Variants in EDARADD observed in about 807,000 individuals in gnomAD.
The protein encoded by EDARADD is EDAR associated via death domain, also known as ectodysplasin-A receptor-associated adapter protein.
A neutral mutation model predicts 25.6 loss-of-function variants in EDARADD; 20 were observed. That is an observed-to-expected ratio of 0.78 (90% CI 0.55 to 1.14). EDARADD has a LOEUF of 1.14. EDARADD is among the 50% of genes most tolerant of loss of function. EDARADD has a pLI of 0.00. For missense variants in EDARADD, 225 were observed against 270.1 expected, an observed-to-expected ratio of 0.83 and a Z score of 1.17; for synonymous variants, 86 against 94.4, an observed-to-expected ratio of 0.91 and a Z score of 0.52.
chr1:236,479,077 G>A (rs1659593141), intron 5 of EDARADD, among the ~76,000 whole-genome samples: 2 of 152,090 alleles, frequency 1.3e-5, no homozygotes, highest in African/African-American at 4.8e-5. Context: ...ATACTGCTCG[G>A]GTGATGGGTG....
intron 2 of EDARADD, among the ~76,000 whole-genome samples, chr1:236,349,265 G>T (rs1332152970): frequency 7.5e-6 from 1 of 133,218 alleles, no homozygotes; most frequent in African/African-American, 3.0e-5. Context: ...CCATCTCCCG[G>T]GTTCAAAGCG....
At chr1:236,428,938 C>T (rs74794888) in intron 4 of EDARADD, among the ~76,000 whole-genome samples, 67,818 of 151,440 alleles carry the variant, frequency 0.45, 17,474 homozygotes, top group Non-Finnish European at 0.59. Flanking sequence ...GCTGGAGACA[C>T]GCCCGGCCAA....
chr1:236,460,271 A>G (rs1426535672), intron 4 of EDARADD, among the ~76,000 whole-genome samples: 2 of 150,618 alleles, frequency 1.3e-5, no homozygotes, highest in Admixed American at 6.6e-5. Context: ...TACAGCCTCA[A>G]TCTCCTGGGC....
chr1:236,478,270 G>A (rs1348612799), intron 5 of EDARADD, among the ~76,000 whole-genome samples: 1 of 151,920 alleles, frequency 6.6e-6, no homozygotes, highest in Non-Finnish European at 1.5e-5. Context: ...CCCAATTTAT[G>A]TGAAAGGTAT....
At chr1:236,462,165 A>G (rs1425069073) in intron 4 of EDARADD, among the ~76,000 whole-genome samples, 1 of 152,166 alleles carries the variant, frequency 6.6e-6, no homozygotes, top group East Asian at 1.9e-4. Context: ...GGTTAAAGCA[A>G]AGGGGACTTC....
chr1:236,484,097 A>G lies in EDARADD; in HGVS notation c.*1448A>G. 1 of 1,575,084 alleles carries G rather than the reference A, an allele frequency of 6.3e-7. No homozygotes were observed. Among genetic ancestry groups the G allele is most frequent in the Non-Finnish European group, 8.7e-7 (1 of 1,145,800 alleles). On this transcript the variant is annotated 3_prime_UTR_variant, in exon 6 of 6. Coordinates refer to ENST00000334232, the MANE Select transcript of EDARADD (RefSeq NM_145861.4). The surrounding 1 kb of genome is among the most constrained non-coding windows in gnomAD (Gnocchi z 4.1). ...CTTGGCAGAAGTTCACGGCCAGTGC[A>G]GGAATCCAGGTAGTGGAGGATGATC...
chr1:236,439,401 G>C (rs1209784079), intron 4 of EDARADD, among the ~76,000 whole-genome samples: 2 of 152,202 alleles, frequency 1.3e-5, no homozygotes, highest in African/African-American at 2.4e-5. Context: ...GCAAGAGGCT[G>C]TTTAGGTTTC....
intron 1 of EDARADD, among the ~76,000 whole-genome samples, chr1:236,400,292 A>C (rs1395362546): frequency 6.6e-6 from 1 of 151,232 alleles, no homozygotes; most frequent in East Asian, 1.9e-4. Flanking sequence ...CTTCTGTTTG[A>C]TCCCCCGTCA....
intron 3 of EDARADD, among the ~76,000 whole-genome samples, chr1:236,377,233 G>A (rs1667234614): frequency 6.6e-6 from 1 of 150,964 alleles, no homozygotes. Context: ...TCGGTTCACT[G>A]CAACCTCCAC....
chr1:236,415,231 G>A lies in EDARADD; in HGVS notation c.160+932G>A, dbSNP rs556521597. 4.6e-5 allele frequency among the ~76,000 whole-genome samples: 7 copies of A among 152,282 alleles called. No individual in the cohort carries two copies. In the South Asian group the frequency reaches 1.4e-3, roughly 32 times the overall value. ...GTCTGAGCCTTGAGATCGGGTCGGG[G>A]AGGAGGGTCATGGAGTGGATTTTGC... On this transcript the variant is annotated intron_variant, in intron 3 of 5. Transcript: ENST00000334232.
chr1:236,484,283 T>A lies in EDARADD; in HGVS notation c.*1634T>A. 9.8e-7 allele frequency: 1 copy of A among 1,023,290 alleles called. No individual in the cohort carries two copies. The highest frequency in any genetic ancestry group is 1.7e-5 in the Admixed American group (1 of 58,868). 63.4% of individuals were successfully genotyped at this position (1,023,290 alleles called of 1,614,324 possible). ...GGTGTGTCATGGTGCCTCATCATTC[T>A]GGGGAGACTGAAAATACCTTCATCA... On this transcript the variant is annotated 3_prime_UTR_variant, in exon 6 of 6. Transcript: ENST00000334232. This position sits in a 1 kb window ranked among gnomAD's most constrained non-coding sequence, Gnocchi z 4.1.
chr1:236,455,165 G>T (rs1221850595), intron 4 of EDARADD, among the ~76,000 whole-genome samples: 3 of 151,818 alleles, frequency 2.0e-5, no homozygotes, highest in Admixed American at 6.6e-5. Flanking sequence ...AGCCGAGATT[G>T]TGCCACTGTA....
chr1:236,464,064 G>A (rs1659113903), intron 4 of EDARADD, among the ~76,000 whole-genome samples: 1 of 152,108 alleles, frequency 6.6e-6, no homozygotes, highest in South Asian at 2.1e-4. Flanking sequence ...GAAAGGGCTG[G>A]GGAGGGTGGC....
rs563523772 is a variant in EDARADD, at chr1:236,353,468, T to C, written c.-6+2629T>C. On this transcript the variant is annotated intron_variant, in intron 3 of 7. Coordinates refer to the EDARADD transcript ENST00000439430. ...AGGCCAGGGCAGGTGGATGACGAGG[T>C]CAGGAGTTCAAGACCAGCCTGGCCA... Among the ~76,000 whole-genome samples the C allele has an allele frequency of 3.3e-4, 50 of 152,074 alleles. 1 individual carries two copies. The highest frequency in any genetic ancestry group is 3.0e-3 in the Admixed American group (46 of 15,270).
chr1:236,440,985 A>C (rs1173717908), intron 4 of EDARADD, among the ~76,000 whole-genome samples: 1 of 151,852 alleles, frequency 6.6e-6, no homozygotes, highest in Non-Finnish European at 1.5e-5. Context: ...AGCTAGAAAT[A>C]ATTAAGTTTA....
At chr1:236,460,785 A>C (rs17582817) in intron 4 of EDARADD, among the ~76,000 whole-genome samples, 20 of 151,736 alleles carry the variant, frequency 1.3e-4, no homozygotes, top group African/African-American at 4.6e-4. Context: ...TTGATTGACT[A>C]TCACTGACTG....
chr1:236,479,999 CTG>C (rs1330439372), intron 5 of EDARADD, among the ~76,000 whole-genome samples: 1 of 151,018 alleles, frequency 6.6e-6, no homozygotes, highest in East Asian at 1.9e-4. Flanking sequence ...TGAGCTATGA[CTG>C]TGCCACCGCA....
chr1:236,395,777 A>G lies in EDARADD; in HGVS notation c.61+1272A>G. On this transcript the variant is annotated intron_variant, in intron 1 of 5. Transcript: ENST00000334232. This position sits in a 1 kb window ranked among gnomAD's most constrained non-coding sequence, Gnocchi z 6.9. ...GCCGGGCCTCGGCGACCCCCGAGGG[A>G]GGCCCGGGAACCACCCCCGACCCAG... is the stretch of plus-strand genomic sequence containing the variant. 1 of 1,147,048 alleles carries G rather than the reference A, an allele frequency of 8.7e-7. No homozygotes were observed. The highest frequency in any genetic ancestry group is 1.2e-6 in the Non-Finnish European group (1 of 846,862). 71.1% of individuals were successfully genotyped at this position (1,147,048 alleles called of 1,614,324 possible). A position where few individuals can be genotyped will look rare whatever the true frequency, so the allele number is the denominator to read the frequency against.
intron 3 of EDARADD, among the ~76,000 whole-genome samples, chr1:236,372,025 C>T (rs557445917): frequency 6.6e-5 from 10 of 152,190 alleles, no homozygotes; most frequent in South Asian, 4.2e-4. Context: ...GGTGCGATCT[C>T]GGCTCACTGC....
Sources: gnomAD v4.1 joint callset for allele counts (sites outside exome capture counted in the v4.1 genomes callset) on GRCh38, gnomAD v4.1.1 for gene constraint, Gnocchi (gnomAD v3.1) non-coding constraint, MANE v1.5 for transcripts, NCBI Gene and HGNC (gene_info 2026-07-23, HGNC 2026-07-21) for gene names.